MGAT5: variants seen among roughly 807,000 people sequenced by gnomAD.
The protein encoded by MGAT5 is alpha-1,6-mannosylglycoprotein 6-beta-N-acetylglucosaminyltransferase A.
A neutral mutation model predicts 94.3 loss-of-function variants in MGAT5; 30 were observed. The observed-to-expected ratio is 0.32, with a 90% CI of 0.24 to 0.43. MGAT5 has a LOEUF of 0.43. Among genes scored for constraint, MGAT5 ranks in the 20% least tolerant of loss-of-function variants. The probability of loss-of-function intolerance (pLI) is 1.00; values close to 1 mark genes in which losing one functional copy is unlikely to be tolerated. For synonymous variants in MGAT5, 310 were observed against 322.9 expected, an observed-to-expected ratio of 0.96 and a Z score of 0.43; for missense variants, 691 against 905.5, an observed-to-expected ratio of 0.76 and a Z score of 3.04.
chr2:134,297,817 A>G (rs1685768791), intron 2 of MGAT5, among the ~76,000 whole-genome samples: 1 of 152,154 alleles, frequency 6.6e-6, no homozygotes. Context: ...CTTCTATTCA[A>G]TAATATATTT....
At chr2:134,145,525 G>C (rs549030073) in intron 1 of MGAT5, among the ~76,000 whole-genome samples, 1 of 152,240 alleles carries the variant, frequency 6.6e-6, no homozygotes. Flanking sequence ...CAGCCTGGGC[G>C]ACAGAGCGAG....
chr2:134,132,219 A>G (rs1205796713), intron 1 of MGAT5, among the ~76,000 whole-genome samples: 3 of 152,204 alleles, frequency 2.0e-5, no homozygotes, highest in Non-Finnish European at 2.9e-5. Context: ...GAACTTGGCC[A>G]TTGTATCTGC....
At chr2:134,434,910 C>T (rs2106399324) in intron 14 of MGAT5, among the ~76,000 whole-genome samples, 1 of 152,314 alleles carries the variant, frequency 6.6e-6, no homozygotes, top group Middle Eastern at 3.4e-3. Context: ...TTTATATTTC[C>T]AGCACCCAGT....
chr2:134,171,889 T>C (rs1688229309), intron 1 of MGAT5, among the ~76,000 whole-genome samples: 1 of 152,126 alleles, frequency 6.6e-6, no homozygotes, highest in African/African-American at 2.4e-5. Context: ...AGTAGTCCCA[T>C]GTTATGCTTT....
At chr2:134,333,642 T>C (rs190926625) in intron 4 of MGAT5, among the ~76,000 whole-genome samples, 69 of 152,226 alleles carry the variant, frequency 4.5e-4, no homozygotes, top group African/African-American at 1.6e-3. Flanking sequence ...CCAGCTTTAT[T>C]GGTAGCATCC....
At chr2:134,361,591 A>T (rs1453501857) in intron 9 of MGAT5, among the ~76,000 whole-genome samples, 1 of 152,094 alleles carries the variant, frequency 6.6e-6, no homozygotes, top group Non-Finnish European at 1.5e-5. Flanking sequence ...AGAAATCCAA[A>T]ATTTTCTCTT....
At chr2:134,404,233 C>CT (rs1683217307) in intron 11 of MGAT5, among the ~76,000 whole-genome samples, 3 of 152,188 alleles carry the variant, frequency 2.0e-5, no homozygotes, top group African/African-American at 7.2e-5. Context: ...GTGGATTTCT[C>CT]AGCTCTCATC....
chr2:134,197,238 G>GGAACATTTTTACGTTT (rs1386404985), intron 1 of MGAT5, among the ~76,000 whole-genome samples: 1 of 152,140 alleles, frequency 6.6e-6, no homozygotes, highest in East Asian at 1.9e-4. Context: ...CTTAGGAGTT[G>GGAACATTTTTACGTTT]GAACATTTTT....
intron 6 of MGAT5, among the ~76,000 whole-genome samples, chr2:134,338,635 C>T (rs945189621): frequency 7.1e-6 from 1 of 140,038 alleles, no homozygotes; most frequent in Non-Finnish European, 1.6e-5. Context: ...TGGGTGAAGC[C>T]AAGCAGAATA....
chr2:134,193,153 C>A (rs113695730), intron 1 of MGAT5, among the ~76,000 whole-genome samples: 1 of 147,848 alleles, frequency 6.8e-6, no homozygotes, highest in Admixed American at 6.7e-5. Flanking sequence ...GACAAGGTCT[C>A]GCTATGTTAC....
chr2:134,205,479 A>C (rs1346183659), intron 1 of MGAT5, among the ~76,000 whole-genome samples: 2 of 152,148 alleles, frequency 1.3e-5, no homozygotes, highest in Non-Finnish European at 2.9e-5. Flanking sequence ...GAACGTACAC[A>C]TGAGGGCTTA....
intron 1 of MGAT5, among the ~76,000 whole-genome samples, chr2:134,157,087 T>C (rs1032185065): frequency 6.6e-6 from 1 of 152,196 alleles, no homozygotes; most frequent in African/African-American, 2.4e-5. Flanking sequence ...AAGTGATTGA[T>C]TCTTACTAAG....
chr2:134,208,168 AT>A (rs1680111256), intron 1 of MGAT5, among the ~76,000 whole-genome samples: 1 of 151,520 alleles, frequency 6.6e-6, no homozygotes, highest in African/African-American at 2.4e-5. Context: ...GCAGACCAGT[AT>A]TTTCCAAACT....
chr2:134,396,818 G>A (rs1388676409), intron 10 of MGAT5, among the ~76,000 whole-genome samples: 1 of 152,184 alleles, frequency 6.6e-6, no homozygotes, highest in Non-Finnish European at 1.5e-5. Flanking sequence ...CAGCCATCTG[G>A]GAACATCCAG....
At chr2:134,191,825 G>A (rs1191355673) in intron 1 of MGAT5, among the ~76,000 whole-genome samples, 65 of 134,154 alleles carry the variant, frequency 4.8e-4, no homozygotes, top group Middle Eastern at 6.5e-3. Flanking sequence ...TTCCTGATGG[G>A]TGGGTGGATT....
At chr2:134,220,644 G>A (rs902841224) in intron 1 of MGAT5, among the ~76,000 whole-genome samples, 2 of 152,194 alleles carry the variant, frequency 1.3e-5, no homozygotes, top group Non-Finnish European at 2.9e-5. Flanking sequence ...TCCTTAGTGC[G>A]TATGTGTATG....
intron 1 of MGAT5, among the ~76,000 whole-genome samples, chr2:134,141,737 G>T (rs1018536160): frequency 3.9e-5 from 6 of 152,310 alleles, no homozygotes; most frequent in Admixed American, 3.9e-4. Context: ...GGATGGGAAA[G>T]ACATTGCCAG....
intron 4 of MGAT5, among the ~76,000 whole-genome samples, chr2:134,330,957 C>T (rs1434061668): frequency 6.6e-6 from 1 of 152,096 alleles, no homozygotes; most frequent in Non-Finnish European, 1.5e-5. Flanking sequence ...TAACAACATG[C>T]ATATATACAT....
rs556050741 is a variant in MGAT5 at position 134,442,592 on chromosome 2, G to A, written c.2027+677G>A. Among the ~76,000 whole-genome samples the A allele has an allele frequency of 1.1e-3, 171 of 152,252 alleles. 2 individuals carry two copies. Among genetic ancestry groups the A allele is most frequent in the South Asian group, 1.9e-3 (9 of 4,814 alleles). Reference sequence around the variant, plus strand: ...TGGCCCAGGGCTGCACAGGGGAGGCGCCTTCCTTGAATTTCTTACCTTGTG... The same window carrying A: ...TGGCCCAGGGCTGCACAGGGGAGGCACCTTCCTTGAATTTCTTACCTTGTG... On this transcript the variant is annotated intron_variant, in intron 15 of 15. Transcript: ENST00000281923.
Sources: allele counts gnomAD v4.1 joint callset (sites outside exome capture counted in the v4.1 genomes callset), GRCh38; gene constraint gnomAD v4.1.1; transcripts MANE v1.5; gene names NCBI Gene and HGNC (gene_info 2026-07-23, HGNC 2026-07-21).